CDH12: variants seen among roughly 807,000 people sequenced by gnomAD.
The protein encoded by CDH12 is cadherin-12.
A neutral mutation model predicts 74.1 loss-of-function variants in CDH12; 41 were observed. That is an observed-to-expected ratio of 0.55 (90% CI 0.43 to 0.72). The LOEUF (loss-of-function observed/expected upper bound fraction) is 0.72. Ranked by LOEUF, CDH12 falls within the 30% of genes least tolerant of loss-of-function variation. The pLI, the probability that CDH12 is intolerant of heterozygous loss-of-function variation, is 0.00. For synonymous variants in CDH12, 399 were observed against 355.0 expected (o/e 1.12, Z -1.39); for missense variants, 945 against 977.2 (o/e 0.97, Z 0.44).
intron 3 of CDH12, among the ~76,000 whole-genome samples, chr5:22,220,488 A>G (rs1751975057): frequency 6.6e-6 from 1 of 151,756 alleles, no homozygotes; most frequent in African/African-American, 2.4e-5. Context: ...ACATTTTTAA[A>G]GGAAGATTAT....
At chr5:21,754,104 G>C (rs1007304857) in intron 14 of CDH12, among the ~76,000 whole-genome samples, 3 of 152,192 alleles carry the variant, frequency 2.0e-5, no homozygotes, top group Non-Finnish European at 4.4e-5. Context: ...ACATTGGACA[G>C]GCAGTTGCTG....
chr5:22,636,747 C>G (rs11745109), intron 1 of CDH12, among the ~76,000 whole-genome samples: 1 of 152,006 alleles, frequency 6.6e-6, no homozygotes, highest in Non-Finnish European at 1.5e-5. Flanking sequence ...TTTTTGCTTA[C>G]GGTTGTACAA....
intron 3 of CDH12, among the ~76,000 whole-genome samples, chr5:22,266,210 G>A (rs1736096339): frequency 6.6e-6 from 1 of 151,902 alleles, no homozygotes. Context: ...CAAGTAGCTG[G>A]GACAACAGGC....
At chr5:22,240,772 G>T (rs1316629118) in intron 3 of CDH12, among the ~76,000 whole-genome samples, 1 of 152,164 alleles carries the variant, frequency 6.6e-6, no homozygotes, top group Non-Finnish European at 1.5e-5. Flanking sequence ...AACCTCAGGT[G>T]ATCCGCCCTC....
intron 6 of CDH12, among the ~76,000 whole-genome samples, chr5:21,934,627 A>G (rs374033032): frequency 3.9e-5 from 6 of 152,164 alleles, no homozygotes; most frequent in South Asian, 4.1e-4. Context: ...GGATTTATGT[A>G]TGTGCGTGTA....
chr5:22,228,959 C>T (rs182066519), intron 3 of CDH12, among the ~76,000 whole-genome samples: 13 of 151,978 alleles, frequency 8.6e-5, no homozygotes, highest in Non-Finnish European at 1.6e-4. Context: ...TACATCTCCT[C>T]GGAAGGTGTT....
intron 1 of CDH12, among the ~76,000 whole-genome samples, chr5:22,717,691 A>T (rs77523535): frequency 0.02 from 3,027 of 152,252 alleles, 55 homozygotes; most frequent in Non-Finnish European, 0.029. Context: ...GAATACTTAG[A>T]CTATGTAGTA....
intron 5 of CDH12, among the ~76,000 whole-genome samples, chr5:21,991,206 A>G (rs1408819844): frequency 6.6e-6 from 1 of 151,806 alleles, no homozygotes; most frequent in Non-Finnish European, 1.5e-5. Context: ...TGAATAAAAT[A>G]TTTCTCTATG....
chr5:22,815,402 A>T (rs891729131), intron 1 of CDH12, among the ~76,000 whole-genome samples: 1 of 152,120 alleles, frequency 6.6e-6, no homozygotes, highest in African/African-American at 2.4e-5. Flanking sequence ...GAGAAAGGAG[A>T]TACAAATTTC....
intron 4 of CDH12, among the ~76,000 whole-genome samples, chr5:22,084,872 A>G (rs987351169): frequency 3.3e-5 from 5 of 152,170 alleles, no homozygotes; most frequent in African/African-American, 1.2e-4. Flanking sequence ...AAACTATATC[A>G]AGCCATCAAC....
intron 3 of CDH12, among the ~76,000 whole-genome samples, chr5:22,315,542 A>T (rs974557012): frequency 6.6e-6 from 1 of 152,192 alleles, no homozygotes; most frequent in Non-Finnish European, 1.5e-5. Context: ...GAAAAGTCCT[A>T]TGTGTGCTTG....
At chr5:22,501,466 G>GTTTTGGAATAA (rs1736140280) in intron 2 of CDH12, among the ~76,000 whole-genome samples, 1 of 152,084 alleles carries the variant, frequency 6.6e-6, no homozygotes, top group South Asian at 2.1e-4. Context: ...GTCTGGTAGA[G>GTTTTGGAATAA]TCTACTTTGG....
intron 3 of CDH12, among the ~76,000 whole-genome samples, chr5:22,258,727 A>G (rs1753407786): frequency 6.6e-6 from 1 of 152,122 alleles, no homozygotes. Context: ...ATTTTTAGAT[A>G]CACAAATATT....
At chr5:22,122,811 G>C (rs1745604612) in intron 4 of CDH12, among the ~76,000 whole-genome samples, 1 of 152,170 alleles carries the variant, frequency 6.6e-6, no homozygotes, top group Non-Finnish European at 1.5e-5. Context: ...TCTTTGAACT[G>C]GGATATTGAA....
At chr5:22,204,162 G>GTT (rs113456439) in intron 4 of CDH12, among the ~76,000 whole-genome samples, 54 of 129,836 alleles carry the variant, frequency 4.2e-4, no homozygotes, top group African/African-American at 1.1e-3. Flanking sequence ...TGTTTTGTTT[G>GTT]TTTTTTTTTT....
At chr5:22,775,823 C>T (rs1022801700) in intron 1 of CDH12, among the ~76,000 whole-genome samples, 1 of 152,014 alleles carries the variant, frequency 6.6e-6, no homozygotes, top group African/African-American at 2.4e-5. Flanking sequence ...ATTGTATCTC[C>T]CAGAATTCCC....
intron 5 of CDH12, among the ~76,000 whole-genome samples, chr5:22,033,892 A>G (rs4513655): frequency 0.02 from 3,088 of 152,266 alleles, 114 homozygotes; most frequent in African/African-American, 0.071. Flanking sequence ...CATTATAAAC[A>G]TGTGTAATGC....
chr5:22,262,450 A>AT (rs1022040697), intron 3 of CDH12, among the ~76,000 whole-genome samples: 2 of 151,814 alleles, frequency 1.3e-5, no homozygotes, highest in African/African-American at 4.8e-5. Flanking sequence ...ACGTGAACTC[A>AT]TTTTTTATGG....
chr5:22,195,167 G>A (rs115823234), intron 4 of CDH12, among the ~76,000 whole-genome samples: 1,600 of 152,290 alleles, frequency 0.011, 26 homozygotes, highest in African/African-American at 0.035. Flanking sequence ...GACCAAGGTC[G>A]TAGCTAGAAT....
Sources: gnomAD v4.1 joint callset for allele counts (sites outside exome capture counted in the v4.1 genomes callset) on GRCh38, gnomAD v4.1.1 for gene constraint, MANE v1.5 for transcripts, NCBI Gene and HGNC (gene_info 2026-07-23, HGNC 2026-07-21) for gene names.